Variants in BCAR1 observed in about 807,000 individuals in gnomAD.
BCAR1 encodes the protein BCAR1 scaffold protein, Cas family member, also known as breast cancer anti-estrogen resistance protein 1.
Under a neutral mutation model 67.6 loss-of-function variants are expected in BCAR1, and 30 were observed. The ratio of observed to expected loss-of-function variants is 0.44; its 90% CI spans 0.33 to 0.60. BCAR1 has a LOEUF of 0.60. Among genes scored for constraint, BCAR1 ranks in the 20% least tolerant of loss-of-function variants. The pLI is 0.02. For missense variants in BCAR1, 1,313 were observed against 1,222.3 expected (o/e 1.07, Z -1.11); for synonymous variants, 626 against 556.7 (o/e 1.12, Z -1.75).
At chr16:75,265,920 G>A (rs2078000477) in intron 1 of BCAR1, 2 of 1,107,154 alleles carry the variant, frequency 1.8e-6, no homozygotes, top group East Asian at 5.4e-5. Flanking sequence ...CAGAGGCCCC[G>A]CGAGGGGTCC....
chr16:75,251,615 G>A lies in BCAR1; in HGVS notation c.-133C>T. On this transcript the variant is annotated 5_prime_UTR_variant, in exon 1 of 7. Coordinates refer to ENST00000162330, the MANE Select transcript of BCAR1 (RefSeq NM_014567.5). ...GCGCAGCTGCCGCCTCGGCCACCCA[G>A]AGCCGGTCCAGCCGCTCTCCGCCTG... 2 of 1,015,164 alleles carry A rather than the reference G, an allele frequency of 2.0e-6. No individual in the cohort carries two copies. The highest frequency in any genetic ancestry group is 2.4e-6 in the Non-Finnish European group (2 of 850,876). 62.9% of individuals were successfully genotyped at this position (1,015,164 alleles called of 1,614,324 possible).
intron 4 of BCAR1, 30 bp downstream of exon 4, chr16:75,236,852 G>T: frequency 1.2e-6 from 2 of 1,606,768 alleles, no homozygotes; most frequent in Non-Finnish European, 1.7e-6. Context: ...GCCTCAGCCT[G>T]GCCCTGGCAT....
At chr16:75,265,399 C>T (rs1185412179) in intron 1 of BCAR1, among the ~76,000 whole-genome samples, 1 of 152,128 alleles carries the variant, frequency 6.6e-6, no homozygotes, top group African/African-American at 2.4e-5. Context: ...CCCACCCCCT[C>T]ATCCGGCCCA....
intron 2 of BCAR1, among the ~76,000 whole-genome samples, chr16:75,241,008 GGA>G (rs1424572027): frequency 6.6e-6 from 1 of 152,288 alleles, no homozygotes; most frequent in African/African-American, 2.4e-5. Flanking sequence ...TGCAAAGGCG[GGA>G]GAGGAGGGGT....
In BCAR1 at chr16:75,233,859, A is replaced by G; in HGVS notation, c.2087T>C (p.Leu696Pro). 1 of 1,607,280 alleles carries G rather than the reference A, an allele frequency of 6.2e-7. No homozygotes were observed. The highest frequency in any genetic ancestry group is 2.2e-5 in the East Asian group (1 of 44,684). Residue 696 changes from leucine (L) to proline (P), a missense_variant, in exon 6 of 7, where the codon CTG (leucine) becomes CCG (proline). By Grantham distance (98) the Leu-to-Pro change is moderately conservative. This residue lies in a region of BCAR1 where 1,272 missense variants were observed against 1,137.5 expected (regional missense o/e 1.12). Transcript: ENST00000162330. ...GSITRQGKSQLELQQLKQFER... is the reference protein window; with the variant it reads ...GSITRQGKSQPELQQLKQFER... ...CCGGGGCCTCACCTGCTGCAACTCCAGCTGGCTCTTGCCCTGCCGCGTGAT... is the reference window on the plus strand; with the variant it reads ...CCGGGGCCTCACCTGCTGCAACTCCGGCTGGCTCTTGCCCTGCCGCGTGAT...
At chr16:75,245,274 G>A (rs370059165) in intron 1 of BCAR1, among the ~76,000 whole-genome samples, 63 of 152,358 alleles carry the variant, frequency 4.1e-4, no homozygotes, top group African/African-American at 1.3e-3. Flanking sequence ...CTGCCCCTCC[G>A]GGTCCCCCAG....
intron 1 of BCAR1, among the ~76,000 whole-genome samples, chr16:75,262,509 G>A (rs1393536590): frequency 6.6e-6 from 1 of 152,198 alleles, no homozygotes; most frequent in Non-Finnish European, 1.5e-5. Context: ...GGGAGGGACA[G>A]GCTGAGCCAA....
intron 5 of BCAR1, 111 bp from the exon 6 acceptor site, chr16:75,234,046 T>C (rs1412391722): frequency 3.7e-5 from 37 of 993,174 alleles, no homozygotes; most frequent in Non-Finnish European, 5.1e-5. Flanking sequence ...GTGCTGCGTG[T>C]GCGCGCACAC....
chr16:75,251,826 C>G, upstream of BCAR1: 1 of 332,954 alleles, frequency 3.0e-6, no homozygotes, highest in Non-Finnish European at 4.3e-6. Context: ...CAGGCCCCTG[C>G]CCGAGGCCAG....
upstream of BCAR1, among the ~76,000 whole-genome samples, chr16:75,254,080 C>T (rs1266831808): frequency 1.3e-5 from 2 of 151,908 alleles, no homozygotes; most frequent in Non-Finnish European, 2.9e-5. Flanking sequence ...GGATTATAGG[C>T]GTGAGCCACT....
chr16:75,231,365 G>A (rs867419120), intron 6 of BCAR1, among the ~76,000 whole-genome samples: 2 of 152,130 alleles, frequency 1.3e-5, no homozygotes, highest in Non-Finnish European at 2.9e-5. Flanking sequence ...GATTACAAGC[G>A]TGAGCCACTG....
chr16:75,265,149 G>T (rs1481454673), intron 1 of BCAR1: 1 of 152,472 alleles, frequency 6.6e-6, no homozygotes, highest in Non-Finnish European at 1.5e-5. Context: ...CCTACGGCCA[G>T]CGGGGAGGAA....
intron 2 of BCAR1, among the ~76,000 whole-genome samples, chr16:75,240,691 A>T (rs1032092178): frequency 6.6e-6 from 1 of 152,252 alleles, no homozygotes; most frequent in Non-Finnish European, 1.5e-5. Context: ...AAATACAAGC[A>T]GACACAATCA....
intron 1 of BCAR1, among the ~76,000 whole-genome samples, chr16:75,244,483 T>A (rs534063033): frequency 6.6e-6 from 1 of 152,348 alleles, no homozygotes; most frequent in African/African-American, 2.4e-5. Context: ...AGTGCCCCTC[T>A]GAGCGCCATC....
At chr16:75,239,595 G>C (rs568760398) in intron 2 of BCAR1, among the ~76,000 whole-genome samples, 3 of 152,204 alleles carry the variant, frequency 2.0e-5, no homozygotes, top group Non-Finnish European at 4.4e-5. Context: ...TGTCGCCCCT[G>C]ACCTGGGTTG....
intron 1 of BCAR1, chr16:75,248,016 C>T (rs1365485088): frequency 4.9e-6 from 6 of 1,213,568 alleles, no homozygotes; most frequent in Non-Finnish European, 7.3e-6. Flanking sequence ...GCCACCAGCT[C>T]ATTTAACCCT....
chr16:75,248,433 A>ATT, intron 1 of BCAR1: 2 of 1,014,984 alleles, frequency 2.0e-6, no homozygotes, highest in Non-Finnish European at 2.5e-6. Context: ...TGCAGGCCCA[A>ATT]TAAGCATGCG....
At chr16:75,251,936 C>G, upstream of BCAR1, 1 of 548,510 alleles carries the variant, frequency 1.8e-6, no homozygotes, top group East Asian at 3.3e-5. Flanking sequence ...AACTCCTCCA[C>G]TTCTGGGAAG....
chr16:75,261,380 C>A (rs1035423289), intron 1 of BCAR1, among the ~76,000 whole-genome samples: 1 of 152,364 alleles, frequency 6.6e-6, no homozygotes, highest in Admixed American at 6.5e-5. Context: ...CCAGGCCCCC[C>A]ACTCACCCTC....
Sources: gnomAD v4.1 joint callset for allele counts (sites outside exome capture counted in the v4.1 genomes callset) on GRCh38, gnomAD v4.1.1 for gene constraint, gnomAD v4.1.1 regional missense constraint, MANE v1.5 for transcripts, NCBI Gene and HGNC (gene_info 2026-07-23, HGNC 2026-07-21) for gene names.